The following ADGRB3 variants were observed in gnomAD, a reference collection of about 807,000 sequenced individuals.
The protein encoded by ADGRB3 is adhesion G protein-coupled receptor B3.
ADGRB3 carries 37 observed loss-of-function variants against 193.4 expected under a neutral mutation model. That is an observed-to-expected ratio of 0.19 (90% CI 0.15 to 0.25). ADGRB3 has a LOEUF of 0.25. ADGRB3 is among the 10% of genes least tolerant of loss of function. The probability of loss-of-function intolerance (pLI) is 1.00; values close to 1 mark genes in which losing one functional copy is unlikely to be tolerated. For synonymous variants in ADGRB3, 690 were observed against 644.2 expected (o/e 1.07, Z -1.08); for missense variants, 1,637 against 1,852.9 (o/e 0.88, Z 2.14).
chr6:68,770,489 A>C (rs1466314613), intron 3 of ADGRB3, among the ~76,000 whole-genome samples: 1 of 152,068 alleles, frequency 6.6e-6, no homozygotes, highest in East Asian at 1.9e-4. Context: ...ATCCACCAGC[A>C]ATCTAGATGA....
intron 17 of ADGRB3, among the ~76,000 whole-genome samples, chr6:69,141,402 C>T (rs1218418192): frequency 1.3e-5 from 2 of 151,798 alleles, no homozygotes; most frequent in African/African-American, 4.8e-5. Flanking sequence ...GGATTACAGG[C>T]ATGAGCCACT....
At chr6:69,322,118 T>C (rs1273404905) in intron 20 of ADGRB3, among the ~76,000 whole-genome samples, 1 of 152,008 alleles carries the variant, frequency 6.6e-6, no homozygotes, top group African/African-American at 2.4e-5. Context: ...TTTGGTTTTC[T>C]GTTCCTTAGT....
At chr6:68,797,336 G>C (rs1196835531) in intron 3 of ADGRB3, among the ~76,000 whole-genome samples, 4 of 151,880 alleles carry the variant, frequency 2.6e-5, no homozygotes, top group Non-Finnish European at 5.9e-5. Context: ...GTAAGAGAAA[G>C]CTTTTTTGGA....
intron 13 of ADGRB3, among the ~76,000 whole-genome samples, chr6:69,021,130 C>T (rs1770251659): frequency 1.3e-5 from 2 of 151,964 alleles, no homozygotes; most frequent in African/African-American, 4.8e-5. Flanking sequence ...CAAACACAGG[C>T]ATGCACTCAG....
intron 17 of ADGRB3, among the ~76,000 whole-genome samples, chr6:69,114,087 T>G (rs996087396): frequency 2.0e-5 from 3 of 152,120 alleles, no homozygotes; most frequent in African/African-American, 7.2e-5. Context: ...TAATATGGCT[T>G]TAGTAATTTT....
chr6:68,925,735 C>A (rs9363976), intron 3 of ADGRB3, among the ~76,000 whole-genome samples: 44,902 of 151,696 alleles, frequency 0.3, 6,865 homozygotes, highest in South Asian at 0.39. Flanking sequence ...TCAAATGTAG[C>A]TCAATAATAT....
At chr6:68,949,163 G>A (rs1418659594) in intron 6 of ADGRB3, among the ~76,000 whole-genome samples, 1 of 152,022 alleles carries the variant, frequency 6.6e-6, no homozygotes, top group Non-Finnish European at 1.5e-5. Flanking sequence ...TAAACTAGGA[G>A]TATTATGATA....
At chr6:69,085,635 T>C (rs1305890777) in intron 17 of ADGRB3, among the ~76,000 whole-genome samples, 1 of 151,986 alleles carries the variant, frequency 6.6e-6, no homozygotes, top group Admixed American at 6.6e-5. Context: ...TTTAATTTGA[T>C]ATTTCCTTTT....
chr6:68,942,182 A>G (rs529344147), intron 5 of ADGRB3, among the ~76,000 whole-genome samples: 1 of 152,300 alleles, frequency 6.6e-6, no homozygotes, highest in East Asian at 1.9e-4. Flanking sequence ...GGGATGGGGT[A>G]TCTCACAATT....
At chr6:68,821,480 G>C (rs894132390) in intron 3 of ADGRB3, among the ~76,000 whole-genome samples, 2 of 151,856 alleles carry the variant, frequency 1.3e-5, no homozygotes, top group South Asian at 4.1e-4. Context: ...AAGTGCTAAT[G>C]TTAGTCAAAA....
intron 16 of ADGRB3, among the ~76,000 whole-genome samples, chr6:69,063,998 GA>G (rs1771826135): frequency 6.6e-6 from 1 of 151,318 alleles, no homozygotes; most frequent in South Asian, 2.1e-4. Flanking sequence ...AAAAATAAAG[GA>G]AAAAGTGATT....
intron 22 of ADGRB3, among the ~76,000 whole-genome samples, chr6:69,328,378 C>T (rs915661468): frequency 3.3e-5 from 5 of 151,892 alleles, no homozygotes; most frequent in Admixed American, 6.6e-5. Flanking sequence ...ATACTTGGAC[C>T]GTGGAAGAAA....
chr6:68,909,998 T>C (rs997770026), intron 3 of ADGRB3, among the ~76,000 whole-genome samples: 1 of 152,224 alleles, frequency 6.6e-6, no homozygotes. Context: ...TCCACCATGG[T>C]TGAAGTAGTT....
intron 17 of ADGRB3, among the ~76,000 whole-genome samples, chr6:69,107,763 C>A (rs1418633476): frequency 6.6e-6 from 1 of 152,056 alleles, no homozygotes; most frequent in Non-Finnish European, 1.5e-5. Context: ...AGCTAGAGGC[C>A]ACTATCCTAA....
At chr6:69,366,498 T>A (rs956165709) in intron 29 of ADGRB3, among the ~76,000 whole-genome samples, 2 of 152,174 alleles carry the variant, frequency 1.3e-5, no homozygotes, top group Non-Finnish European at 2.9e-5. Context: ...GAGAAATTAT[T>A]CATCATTCTA....
At chr6:69,320,655 C>A (rs1331948795) in intron 20 of ADGRB3, among the ~76,000 whole-genome samples, 1 of 151,684 alleles carries the variant, frequency 6.6e-6, no homozygotes, top group Non-Finnish European at 1.5e-5. Flanking sequence ...TTGAGAATCT[C>A]TTTCTACTGC....
chr6:68,990,036 A>G (rs184836752), intron 10 of ADGRB3, among the ~76,000 whole-genome samples: 2 of 152,278 alleles, frequency 1.3e-5, no homozygotes, highest in Admixed American at 1.3e-4. Context: ...AGAGATGACA[A>G]CAAAGGAGGA....
chr6:69,059,182 G>C (rs901377896), intron 15 of ADGRB3, among the ~76,000 whole-genome samples: 1 of 152,060 alleles, frequency 6.6e-6, no homozygotes. Context: ...CCTCCCCAGA[G>C]AATCAACCAT....
At chr6:68,972,300 G>A (rs1768595971) in intron 8 of ADGRB3, among the ~76,000 whole-genome samples, 1 of 152,080 alleles carries the variant, frequency 6.6e-6, no homozygotes, top group Non-Finnish European at 1.5e-5. Flanking sequence ...AAGCCAAACT[G>A]TGACAAATCC....
Sources: gnomAD v4.1 joint callset for allele counts (sites outside exome capture counted in the v4.1 genomes callset) on GRCh38, gnomAD v4.1.1 for gene constraint, MANE v1.5 for transcripts, NCBI Gene and HGNC (gene_info 2026-07-23, HGNC 2026-07-21) for gene names.